The following ARPP21 variants were observed in gnomAD, a reference collection of about 807,000 sequenced individuals.
The protein encoded by ARPP21 is cAMP regulated phosphoprotein 21, also known as cAMP-regulated phosphoprotein 21.
A neutral mutation model predicts 113.2 loss-of-function variants in ARPP21; 69 were observed. That is an observed-to-expected ratio of 0.61 (90% CI 0.50 to 0.74). The LOEUF (loss-of-function observed/expected upper bound fraction) is 0.74, where lower values mean the gene tolerates loss of function less well. Ranked by LOEUF, ARPP21 falls within the 30% of genes least tolerant of loss-of-function variation. The pLI is 0.00. For synonymous variants in ARPP21, 368 were observed against 375.5 expected (o/e 0.98, Z 0.23); for missense variants, 1,070 against 1,037.4 (o/e 1.03, Z -0.43).
At chr3:35,681,201 T>C (rs2078807695) in intron 2 of ARPP21, 2 of 152,056 alleles carry the variant, frequency 1.3e-5, no homozygotes, top group Non-Finnish European at 2.9e-5. Flanking sequence ...ACCATATTTA[T>C]GCTGAATTAT....
intron 9 of ARPP21, among the ~76,000 whole-genome samples, chr3:35,698,890 G>A (rs189004965): frequency 5.1e-4 from 78 of 151,612 alleles, no homozygotes; most frequent in East Asian, 1.6e-3. Context: ...CAGAATCACC[G>A]GACACACTGG....
At chr3:35,673,039 G>T (rs1386866856) in intron 1 of ARPP21, among the ~76,000 whole-genome samples, 1 of 151,996 alleles carries the variant, frequency 6.6e-6, no homozygotes. Context: ...AAATACCACT[G>T]TAGTACTCAA....
At position 35,743,910 on chromosome 3, in the gene ARPP21, G is replaced by A. The variant is rs370098685; in HGVS notation, c.2082G>A (p.Pro694=). 5.0e-5 allele frequency: 80 copies of A among 1,613,948 alleles called. 2 individuals are homozygous for A. Among genetic ancestry groups the A allele is most frequent in the South Asian group, 2.3e-4 (21 of 91,080 alleles). Residue 694 remains proline, a synonymous_variant, in exon 19 of 21, where the codon CCG becomes CCA. Coordinates refer to ENST00000684406, the MANE Select transcript of ARPP21 (RefSeq NM_001385562.1). ...STTQQYRPMA[P]VQYNAQRSQQ... ...CGCAACAGTACCGGCCCATGGCCCC[G>A]GTTCAGTACAACGCTCAGAGGAGTC... is the stretch of plus-strand genomic sequence containing the variant.
At chr3:35,664,548 T>C (rs1709311021) in intron 1 of ARPP21, among the ~76,000 whole-genome samples, 2 of 152,276 alleles carry the variant, frequency 1.3e-5, no homozygotes, top group South Asian at 4.1e-4. Flanking sequence ...CACGATGACG[T>C]CCCATTCCTG....
intron 19 of ARPP21, among the ~76,000 whole-genome samples, chr3:35,754,080 A>T (rs138756784): frequency 7.3e-4 from 110 of 151,398 alleles, no homozygotes; most frequent in African/African-American, 2.5e-3. Context: ...GGAGCATCAG[A>T]GCTGAAGAAA....
At chr3:35,656,424 T>C (rs1204453104) in intron 1 of ARPP21, among the ~76,000 whole-genome samples, 1 of 152,096 alleles carries the variant, frequency 6.6e-6, no homozygotes, top group East Asian at 1.9e-4. Flanking sequence ...AGCTCAAATG[T>C]CCTTTAGAAG....
intron 19 of ARPP21, among the ~76,000 whole-genome samples, chr3:35,750,182 CT>C (rs2095353977): frequency 1.1e-5 from 1 of 94,088 alleles, no homozygotes; most frequent in Admixed American, 1.1e-4. Context: ...ATTTTTTTCT[CT>C]TTTTTAATGT....
At chr3:35,722,131 A>G (rs1050170190) in intron 14 of ARPP21, among the ~76,000 whole-genome samples, 1 of 152,178 alleles carries the variant, frequency 6.6e-6, no homozygotes, top group African/African-American at 2.4e-5. Flanking sequence ...TTAAGCACTT[A>G]AGTTTACTTA....
intron 1 of ARPP21, among the ~76,000 whole-genome samples, chr3:35,668,015 AAGAAGAAGAAGAAGAAGG>A (rs1436591743): frequency 3.6e-5 from 5 of 139,982 alleles, no homozygotes; most frequent in East Asian, 2.1e-4. Context: ...GAAGAAGAAG[AAGAAGAAGAAGAAGAAGG>A]AGAAGAAGAA....
intron 15 of ARPP21, among the ~76,000 whole-genome samples, chr3:35,733,284 A>G (rs1021125617): frequency 6.6e-6 from 1 of 151,950 alleles, no homozygotes; most frequent in South Asian, 2.1e-4. Context: ...TTGAAATAAT[A>G]TCTACTACCC....
At chr3:35,723,287 C>T (rs1043375332) in intron 14 of ARPP21, among the ~76,000 whole-genome samples, 3 of 152,196 alleles carry the variant, frequency 2.0e-5, no homozygotes, top group African/African-American at 7.2e-5. Context: ...AATGGTTTAA[C>T]ATAATTAGGT....
At chr3:35,664,476 G>A (rs9822889) in intron 1 of ARPP21, among the ~76,000 whole-genome samples, 1,833 of 152,206 alleles carry the variant, frequency 0.012, 37 homozygotes, top group African/African-American at 0.042. Flanking sequence ...TCTGGTAACT[G>A]CTATTCTATC....
chr3:35,750,330 A>G (rs1403186644), intron 19 of ARPP21, among the ~76,000 whole-genome samples: 1 of 151,480 alleles, frequency 6.6e-6, no homozygotes, highest in Admixed American at 6.6e-5. Context: ...TGGCCCGTGG[A>G]TTATTTAGTG....
intron 20 of ARPP21, 111 bp downstream of exon 20, chr3:35,792,641 C>A: frequency 1.2e-6 from 1 of 862,156 alleles, no homozygotes; most frequent in Non-Finnish European, 1.9e-6. Context: ...CGTGCTTGGT[C>A]CATAACTGTT....
chr3:35,705,653 G>A (rs1404159411), intron 9 of ARPP21, among the ~76,000 whole-genome samples: 3 of 152,086 alleles, frequency 2.0e-5, no homozygotes, highest in Admixed American at 6.6e-5. Flanking sequence ...ATTCATAAAC[G>A]TGAAATCAAA....
At chr3:35,698,480 T>C (rs1197580680) in intron 9 of ARPP21, among the ~76,000 whole-genome samples, 1 of 151,646 alleles carries the variant, frequency 6.6e-6, no homozygotes, top group African/African-American at 2.4e-5. Flanking sequence ...TCATGATATG[T>C]TTAATAATTT....
At chr3:35,688,827 G>C (rs2081369569) in intron 6 of ARPP21, among the ~76,000 whole-genome samples, 1 of 151,278 alleles carries the variant, frequency 6.6e-6, no homozygotes, top group African/African-American at 2.4e-5. Context: ...GGAATATTTA[G>C]TGTCCTCCTG....
intron 1 of ARPP21, among the ~76,000 whole-genome samples, chr3:35,673,889 A>C (rs1490476177): frequency 1.3e-5 from 2 of 151,942 alleles, no homozygotes; most frequent in African/African-American, 4.8e-5. Context: ...TTACTATTAA[A>C]ATTAGTATTT....
chr3:35,680,865 T>G (rs2078698695), intron 2 of ARPP21: 1 of 151,854 alleles, frequency 6.6e-6, no homozygotes, highest in South Asian at 2.1e-4. Flanking sequence ...AAATTATTCA[T>G]GAGCCTCATT....
Sources: gnomAD v4.1 joint callset for allele counts (sites outside exome capture counted in the v4.1 genomes callset) on GRCh38, gnomAD v4.1.1 for gene constraint, MANE v1.5 for transcripts, NCBI Gene and HGNC (gene_info 2026-07-23, HGNC 2026-07-21) for gene names.